Variants in SPOPL observed in about 807,000 individuals in gnomAD.
The protein encoded by SPOPL is speckle-type POZ protein-like.
Under a neutral mutation model 53.8 loss-of-function variants are expected in SPOPL, and 23 were observed. That is an observed-to-expected ratio of 0.43 (90% CI 0.31 to 0.61). SPOPL has a LOEUF of 0.61. Among genes scored for constraint, SPOPL ranks in the 20% least tolerant of loss-of-function variants. The pLI is 0.12. For missense variants in SPOPL, 442 were observed against 466.9 expected, an observed-to-expected ratio of 0.95 and a Z score of 0.49; for synonymous variants, 164 against 149.7, an observed-to-expected ratio of 1.10 and a Z score of -0.70.
intron 1 of SPOPL, among the ~76,000 whole-genome samples, chr2:138,526,472 G>A (rs571741049): frequency 5.9e-5 from 9 of 151,978 alleles, no homozygotes; most frequent in African/African-American, 9.7e-5. Context: ...TAAATTGTGT[G>A]TTAATTTTTA....
intron 1 of SPOPL, among the ~76,000 whole-genome samples, chr2:138,504,647 A>G (rs1684175478): frequency 2.0e-5 from 3 of 152,254 alleles, no homozygotes; most frequent in Admixed American, 1.3e-4. Context: ...CTGGGTGAAA[A>G]TCAAACCCTA....
At chr2:138,511,250 A>T (rs943500799) in intron 1 of SPOPL, among the ~76,000 whole-genome samples, 2 of 152,078 alleles carry the variant, frequency 1.3e-5, no homozygotes, top group African/African-American at 4.8e-5. Flanking sequence ...ATTTATTTTT[A>T]CTGTTGTCTC....
At chr2:138,504,082 T>C (rs543904726) in intron 1 of SPOPL, among the ~76,000 whole-genome samples, 12 of 152,386 alleles carry the variant, frequency 7.9e-5, no homozygotes, top group Admixed American at 2.0e-4. Context: ...TGAATAGATA[T>C]TACTTTTGTG....
At chr2:138,550,666 A>T (rs1685294757) in intron 3 of SPOPL, 62 bp downstream of exon 3, 6 of 1,546,274 alleles carry the variant, frequency 3.9e-6, no homozygotes, top group Non-Finnish European at 5.2e-6. Context: ...TCAGCTGCTC[A>T]TGATTTTGTT....
intron 1 of SPOPL, among the ~76,000 whole-genome samples, chr2:138,530,718 T>A (rs924047537): frequency 3.3e-5 from 5 of 152,236 alleles, no homozygotes; most frequent in African/African-American, 1.2e-4. Flanking sequence ...AACTTCCTTG[T>A]TATTCCTGTT....
At chr2:138,524,758 C>A (rs1684633085) in intron 1 of SPOPL, among the ~76,000 whole-genome samples, 2 of 152,348 alleles carry the variant, frequency 1.3e-5, no homozygotes, top group East Asian at 1.9e-4. Flanking sequence ...TCCTCATCTC[C>A]ATCTGAGACC....
intron 5 of SPOPL, 101 bp downstream of exon 5, chr2:138,552,782 G>A: frequency 7.7e-7 from 1 of 1,304,664 alleles, no homozygotes; most frequent in Non-Finnish European, 1.0e-6. Context: ...AATTGGTATA[G>A]TTGATTGAGT....
chr2:138,529,644 TTTCTAC>T (rs1376264457), intron 1 of SPOPL, among the ~76,000 whole-genome samples: 1 of 152,202 alleles, frequency 6.6e-6, no homozygotes, highest in African/African-American at 2.4e-5. Context: ...AGGTTTATGT[TTTCTAC>T]TTCTAAGTCT....
intron 1 of SPOPL, among the ~76,000 whole-genome samples, chr2:138,540,933 T>C (rs1010691454): frequency 6.6e-6 from 1 of 152,202 alleles, no homozygotes; most frequent in African/African-American, 2.4e-5. Context: ...ACCTAATTTA[T>C]TGAGAATTTT....
intron 1 of SPOPL, among the ~76,000 whole-genome samples, chr2:138,512,265 T>G (rs1453613451): frequency 6.6e-6 from 1 of 152,222 alleles, no homozygotes; most frequent in African/African-American, 2.4e-5. Context: ...ATTTTTATTT[T>G]CATAAAAATA....
intron 1 of SPOPL, among the ~76,000 whole-genome samples, chr2:138,511,385 A>G (rs1412591258): frequency 6.6e-6 from 1 of 152,188 alleles, no homozygotes; most frequent in East Asian, 1.9e-4. Context: ...TGAGAAACTG[A>G]CAGCTTTCTA....
At position 138,502,042 on chromosome 2, in the gene SPOPL, C is replaced by T. The variant is rs1684105996; in HGVS notation, c.-138C>T. On this transcript the variant is annotated 5_prime_UTR_variant, in exon 1 of 11. Transcript: ENST00000280098. ...GCTGCCACCACCGCAGCCTCGGGCT[C>T]CCAGGGCGGACACGGCCACCGCCTC... is the stretch of plus-strand genomic sequence containing the variant. 1.3e-5 allele frequency: 2 copies of T among 152,840 alleles called. No individual in the cohort carries two copies. The highest frequency in any genetic ancestry group is 2.9e-5 in the Non-Finnish European group (2 of 68,584). The allele number at this position is 152,840 out of a possible 1,614,324, so 9.5% of individuals were successfully genotyped here.
chr2:138,529,399 A>G (rs940177667), intron 1 of SPOPL, among the ~76,000 whole-genome samples: 4 of 151,978 alleles, frequency 2.6e-5, no homozygotes, highest in African/African-American at 9.7e-5. Context: ...GCCCTTTTGA[A>G]TATGTTTTTG....
At chr2:138,515,409 A>C (rs1050938611) in intron 1 of SPOPL, among the ~76,000 whole-genome samples, 10 of 152,200 alleles carry the variant, frequency 6.6e-5, no homozygotes, top group African/African-American at 2.4e-4. Flanking sequence ...ACACTATATG[A>C]GCAGATCTTT....
intron 1 of SPOPL, among the ~76,000 whole-genome samples, chr2:138,539,593 GGTTGTTT>G (rs2104880980): frequency 9.4e-6 from 1 of 106,156 alleles, no homozygotes; most frequent in South Asian, 3.1e-4. Context: ...TTTTTGATGG[GGTTGTTT>G]GTTTTTTTCT....
At chr2:138,513,347 A>G (rs564367894) in intron 1 of SPOPL, among the ~76,000 whole-genome samples, 1 of 152,198 alleles carries the variant, frequency 6.6e-6, no homozygotes, top group South Asian at 2.1e-4. Context: ...TGACGTAAGG[A>G]ATTTGAGACT....
chr2:138,526,809 C>T (rs1378954772), intron 1 of SPOPL, among the ~76,000 whole-genome samples: 1 of 151,844 alleles, frequency 6.6e-6, no homozygotes, highest in Admixed American at 6.6e-5. Context: ...TCACTGCAAC[C>T]TCCACCTCCT....
intron 1 of SPOPL, among the ~76,000 whole-genome samples, chr2:138,541,086 A>T (rs566182073): frequency 6.6e-6 from 1 of 152,174 alleles, no homozygotes; most frequent in African/African-American, 2.4e-5. Context: ...CAACCCAGGG[A>T]TGAAGCCCAC....
chr2:138,529,498 CTGTGTGTG>C (rs58483992), intron 1 of SPOPL, among the ~76,000 whole-genome samples: 52,880 of 147,546 alleles, frequency 0.36, 11,317 homozygotes, highest in Non-Finnish European at 0.49. Flanking sequence ...ATGCATGTGC[CTGTGTGTG>C]TGTGTGTGTG....
Sources: gnomAD v4.1 joint callset for allele counts (sites outside exome capture counted in the v4.1 genomes callset) on GRCh38, gnomAD v4.1.1 for gene constraint, MANE v1.5 for transcripts, NCBI Gene and HGNC (gene_info 2026-07-23, HGNC 2026-07-21) for gene names.